Variants in AEBP1 observed in about 807,000 individuals in gnomAD.
AEBP1 encodes the protein AE binding protein 1.
A neutral mutation model predicts 116.5 loss-of-function variants in AEBP1; 69 were observed. That is an observed-to-expected ratio of 0.59 (90% CI 0.49 to 0.72). AEBP1 has a LOEUF of 0.72. Among genes scored for constraint, AEBP1 ranks in the 30% least tolerant of loss-of-function variants. The probability of loss-of-function intolerance (pLI) is 0.00; values close to 1 mark genes in which losing one functional copy is unlikely to be tolerated. For missense variants in AEBP1, 1,444 were observed against 1,557.5 expected (o/e 0.93, Z 1.23); for synonymous variants, 627 against 627.3 (o/e 1.00, Z 0.01).
chr7:44,105,734 C>T (rs543122597), intron 1 of AEBP1, among the ~76,000 whole-genome samples: 3 of 152,278 alleles, frequency 2.0e-5, no homozygotes, highest in East Asian at 1.9e-4. Context: ...AGCAGCCCTG[C>T]GTCCCCTGGC....
rs1023116714 is a variant in AEBP1 at position 44,112,437 on chromosome 7, G to A, written c.2217+116G>A. 11 of 1,399,840 alleles carry A rather than the reference G, an allele frequency of 7.9e-6. No homozygotes were observed. The highest frequency in any genetic ancestry group is 1.1e-5 in the Non-Finnish European group (11 of 1,039,736). The allele number at this position is 1,399,840 out of a possible 1,614,324, so 86.7% of individuals were successfully genotyped here. A position where few individuals can be genotyped will look rare whatever the true frequency, so the allele number is the denominator to read the frequency against. On this transcript the variant is annotated intron_variant, in intron 17 of 20. Coordinates refer to ENST00000223357, the MANE Select transcript of AEBP1 (RefSeq NM_001129.5). The surrounding 1 kb of genome is among the most constrained non-coding windows in gnomAD (Gnocchi z 6.6). ...CTGAACTCCAGACGCTGAGGCTCTG[G>A]GGGTTGGGGGACAGGGGATCGTGCG...
rs772653486 is a variant in AEBP1, at chr7:44,104,724, G to A, written c.59G>A (p.Cys20Tyr). ...LSCLLALLAL[C>Y]PGGRPQTVLT... Reference sequence around the variant, plus strand: ...TGCCTCCTGGCGTTGCTGGCCCTGTGCCCTGGAGGGCGCCCGCAGACGGTG... The same window carrying A: ...TGCCTCCTGGCGTTGCTGGCCCTGTACCCTGGAGGGCGCCCGCAGACGGTG... Residue 20 changes from cysteine to tyrosine, a missense_variant, in exon 1 of 21, where the codon TGC (cysteine) becomes TAC (tyrosine). Coordinates refer to ENST00000223357, the MANE Select transcript of AEBP1 (RefSeq NM_001129.5). The A allele has an allele frequency of 6.2e-7, 1 of 1,610,752 alleles. No homozygotes were observed. The highest frequency in any genetic ancestry group is 1.7e-5 in the Admixed American group (1 of 59,916).
chr7:44,110,608 C>T (rs2096228282), intron 11 of AEBP1, 117 bp from the exon 12 acceptor site: 2 of 1,056,722 alleles, frequency 1.9e-6, no homozygotes, highest in Admixed American at 2.3e-5. Context: ...AACACCTGGG[C>T]CGTGCAGCAC....
chr7:44,113,004 C>A lies in AEBP1; in HGVS notation c.2583C>A (p.Phe861Leu), dbSNP rs139591184. The A allele has an allele frequency of 6.2e-7, 1 of 1,614,076 alleles. No homozygotes were observed. The highest frequency in any genetic ancestry group is 8.5e-7 in the Non-Finnish European group (1 of 1,180,006). Residue 861 changes from phenylalanine to leucine, a missense_variant, in exon 19 of 21, where the codon TTC becomes TTA. By Grantham distance (22) the Phe-to-Leu change is conservative (BLOSUM62 0). Transcript: ENST00000223357. The surrounding 1 kb of genome is among the most constrained non-coding windows in gnomAD (Gnocchi z 5.3). ...WNPRTGTIND[F>L]SYLHTNCLEL... The stretch of plus-strand genomic sequence containing the variant: ...GTCCCCGGCCAGCTATCAATGACTT[C>A]AGTTACCTGCATACCAACTGCCTGG...
Position 44,114,309 on chromosome 7 carries a change from G to A in AEBP1, c.*48G>A, listed in dbSNP as rs2096234371. ...CAGCCCAACTCAAGCTACAGCAGCA[G>A]CACTTCCCAAGCCTGCTGACCACAG... On this transcript the variant is annotated 3_prime_UTR_variant, in exon 21 of 21. Transcript: ENST00000223357. The A allele has an allele frequency of 6.3e-7, 1 of 1,598,196 alleles. No individual in the cohort carries two copies. The highest frequency in any genetic ancestry group is 8.6e-7 in the Non-Finnish European group (1 of 1,168,298).
intron 9 of AEBP1, 134 bp downstream of exon 9, chr7:44,109,475 G>T: frequency 8.8e-7 from 1 of 1,141,830 alleles, no homozygotes; most frequent in Non-Finnish European, 1.2e-6. Context: ...GGACCCAGAA[G>T]GGAGGGGCCC....
chr7:44,104,689 C>T lies in AEBP1; in HGVS notation c.24C>T (p.Pro8=). 7 of 1,587,816 alleles carry T rather than the reference C, an allele frequency of 4.4e-6. No homozygotes were observed. Among genetic ancestry groups the T allele is most frequent in the Non-Finnish European group, 5.1e-6 (6 of 1,168,408 alleles). Residue 8 remains proline (P), a synonymous_variant, in exon 1 of 21, where the codon CCC becomes CCT. Transcript: ENST00000223357. ...CCATGGCGGCCGTGCGCGGGGCGCC[C>T]CTGCTCAGCTGCCTCCTGGCGTTGC... MAAVRGA[P]LLSCLLALLA...
rs1345990890 is a variant in AEBP1 at position 44,114,187 on chromosome 7, G to A, written c.3403G>A (p.Glu1135Lys). The A allele has an allele frequency of 1.2e-6, 2 of 1,613,976 alleles. No homozygotes were observed. The highest frequency in any genetic ancestry group is 1.7e-6 in the Non-Finnish European group (2 of 1,180,034). Residue 1135 changes from glutamate to lysine, a missense_variant, in exon 21 of 21, where the codon GAG becomes AAG. Coordinates refer to ENST00000223357, the MANE Select transcript of AEBP1 (RefSeq NM_001129.5). The stretch of plus-strand genomic sequence containing the variant: ...GGAAGAGGAGGAGGAGGAGAAAGAG[G>A]AGGAGATAGCCACTGGCCAGGCATT... ...FEEEEEEEKE[E>K]EIATGQAFPF...
Position 44,114,282 on chromosome 7 carries a change from C to G in AEBP1, c.*21C>G, listed in dbSNP as rs766386752. 1.9e-6 allele frequency: 3 copies of G among 1,610,976 alleles called. No individual in the cohort carries two copies. In the Admixed American group the frequency reaches 5.0e-5, roughly 27 times the overall value. ...TCTGAGATCAGCGTCCTACCAAGAC[C>G]CCAGCCCAACTCAAGCTACAGCAGC... On this transcript the variant is annotated 3_prime_UTR_variant, in exon 21 of 21. Transcript: ENST00000223357.
chr7:44,111,234 C>T lies in AEBP1; in HGVS notation c.1711C>T (p.Arg571Cys), dbSNP rs2096229057. ...DFRHHSYKDMRQLMKVVNEEC... is the reference protein window; with the variant it reads ...DFRHHSYKDMCQLMKVVNEEC... ...CCGGCACCACAGCTACAAGGACATGCGCCAGGTTGGGAGCATATATCCTGG... is the reference window on the plus strand; with the variant it reads ...CCGGCACCACAGCTACAAGGACATGTGCCAGGTTGGGAGCATATATCCTGG... The change falls in exon 14 of 21, where the codon CGC becomes TGC. Residue 571 changes from arginine (R) to cysteine (C), a missense_variant. Coordinates refer to ENST00000223357, the MANE Select transcript of AEBP1 (RefSeq NM_001129.5). This position sits in a 1 kb window ranked among gnomAD's most constrained non-coding sequence, Gnocchi z 4.7. The T allele has an allele frequency of 2.0e-6, 3 of 1,513,574 alleles. No homozygotes were observed. Among genetic ancestry groups the T allele is most frequent in the Non-Finnish European group, 2.7e-6 (3 of 1,130,524 alleles). The allele number at this position is 1,513,574 out of a possible 1,614,324, so 93.8% of individuals were successfully genotyped here.
At position 44,107,495 on chromosome 7, in the gene AEBP1, C is replaced by G; in HGVS notation, c.652C>G (p.Arg218Gly). 4.3e-6 allele frequency: 7 copies of G among 1,613,394 alleles called. No homozygotes were observed. The highest frequency in any genetic ancestry group is 5.9e-6 in the Non-Finnish European group (7 of 1,179,956). ...NPGEETHVEA[R>G]EHQPEPEEET... Reference sequence around the variant, plus strand: ...AGGAGAGGAGACCCATGTGGAGGCACGGGAGCACCAGCCTGGTGAGTGGCC... The same window carrying G: ...AGGAGAGGAGACCCATGTGGAGGCAGGGGAGCACCAGCCTGGTGAGTGGCC... The change falls in exon 3 of 21, where the codon CGG (arginine) becomes GGG (glycine). Residue 218 changes from arginine (R) to glycine (G), a missense_variant. Coordinates refer to ENST00000223357, the MANE Select transcript of AEBP1 (RefSeq NM_001129.5). This position sits in a 1 kb window ranked among gnomAD's most constrained non-coding sequence, Gnocchi z 4.3.
At position 44,104,591 on chromosome 7, in the gene AEBP1, C is replaced by T. The variant is rs1289284237; in HGVS notation, c.-75C>T. The T allele has an allele frequency of 6.6e-6, 7 of 1,063,082 alleles. No individual in the cohort carries two copies. In the South Asian group the frequency reaches 9.6e-5, roughly 15 times the overall value. The allele number at this position is 1,063,082 out of a possible 1,614,324, so 65.9% of individuals were successfully genotyped here. The stretch of plus-strand genomic sequence containing the variant: ...ATTCCCTCACCCGTCTCGATCCCCT[C>T]TCCGCCCTTTCCCAGAGACCCAGAG... On this transcript the variant is annotated 5_prime_UTR_variant, in exon 1 of 21. Transcript: ENST00000223357.
In AEBP1 at chr7:44,113,902, GCCA is replaced by G; in HGVS notation, c.3127_3129del (p.Thr1043del). On this transcript the variant is annotated inframe_deletion, in exon 21 of 21. Transcript: ENST00000223357. The surrounding 1 kb of genome is among the most constrained non-coding windows in gnomAD (Gnocchi z 5.3). Reference sequence around the variant, plus strand: ...ACAGATGCGGCTGCGGCGCCTCAACGCCACCACCACCCTAGGCCCCCACACTGT... The same window carrying G: ...ACAGATGCGGCTGCGGCGCCTCAACGCCACCACCCTAGGCCCCCACACTGT... 1 of 1,613,222 alleles carries G rather than the reference GCCA, an allele frequency of 6.2e-7. No homozygotes were observed. Among genetic ancestry groups the G allele is most frequent in the Non-Finnish European group, 8.5e-7 (1 of 1,179,976 alleles).
Position 44,114,349 on chromosome 7 carries a change from AGCACATGGAAG to A in AEBP1, c.*91_*101del. On this transcript the variant is annotated 3_prime_UTR_variant, in exon 21 of 21. Coordinates refer to ENST00000223357, the MANE Select transcript of AEBP1 (RefSeq NM_001129.5). Reference sequence around the variant, plus strand: ...GCTGACCACAGTCACATCACCCATCAGCACATGGAAGGCCCCTGGTATGGACACTGAAAGGA... The same window carrying A: ...GCTGACCACAGTCACATCACCCATCAGCCCCTGGTATGGACACTGAAAGGA... 1 of 1,417,528 alleles carries A rather than the reference AGCACATGGAAG, an allele frequency of 7.1e-7. No individual in the cohort carries two copies. The highest frequency in any genetic ancestry group is 9.8e-7 in the Non-Finnish European group (1 of 1,019,982). 87.8% of individuals were successfully genotyped at this position (1,417,528 alleles called of 1,614,324 possible). A position where few individuals can be genotyped will look rare whatever the true frequency, so the allele number is the denominator to read the frequency against.
Position 44,110,058 on chromosome 7 carries a change from C to A in AEBP1, c.1194C>A (p.Asn398Lys). The A allele has an allele frequency of 1.2e-6, 2 of 1,613,028 alleles. No homozygotes were observed. Among genetic ancestry groups the A allele is most frequent in the Non-Finnish European group, 1.7e-6 (2 of 1,179,990 alleles). The change falls in exon 10 of 21, where the codon AAC (asparagine) becomes AAA (lysine). Residue 398 changes from asparagine (N) to lysine (K), a missense_variant. Coordinates refer to ENST00000223357, the MANE Select transcript of AEBP1 (RefSeq NM_001129.5). Reference protein sequence around the residue: ...IGMESHRIEDNQIRASSMLRH... With the variant: ...IGMESHRIEDKQIRASSMLRH... ...TGGAGTCACACCGTATTGAGGACAACCAGATCCGAGCCTCCTCCATGCTGC... is the reference window on the plus strand; with the variant it reads ...TGGAGTCACACCGTATTGAGGACAAACAGATCCGAGCCTCCTCCATGCTGC...
Position 44,108,050 on chromosome 7 carries a change from T to C in AEBP1, c.906T>C (p.Tyr302=), listed in dbSNP as rs1420602662. 5.6e-6 allele frequency: 9 copies of C among 1,601,822 alleles called. No homozygotes were observed. Among genetic ancestry groups the C allele is most frequent in the East Asian group, 2.3e-5 (1 of 44,220 alleles). The change falls in exon 6 of 21, where the codon TAT becomes TAC. Residue 302 remains tyrosine, a synonymous_variant. Coordinates refer to ENST00000223357, the MANE Select transcript of AEBP1 (RefSeq NM_001129.5). The surrounding 1 kb of genome is among the most constrained non-coding windows in gnomAD (Gnocchi z 5.0). The part of the protein sequence containing the change: ...KPLLPPLPPD[Y]GDGYVIPNYD... ...TGCTGCCCCCGCTGCCCCCTGACTA[T>C]GGTGATGGTTACGTGATCCCCAACT...
chr7:44,105,802 T>C (rs964254783), intron 1 of AEBP1, among the ~76,000 whole-genome samples: 3 of 152,034 alleles, frequency 2.0e-5, no homozygotes. Context: ...GCTCCCCACC[T>C]CTCATCAGGT....
At chr7:44,110,384 G>C (rs1303100882) in intron 11 of AEBP1, 38 bp downstream of exon 11, 1 of 1,613,018 alleles carries the variant, frequency 6.2e-7, no homozygotes, top group Non-Finnish European at 8.5e-7. Flanking sequence ...GCAGAGGGGA[G>C]TGGCTACATA....
chr7:44,104,577 C>A lies in AEBP1; in HGVS notation c.-89C>A. On this transcript the variant is annotated 5_prime_UTR_variant, in exon 1 of 21. Coordinates refer to ENST00000223357, the MANE Select transcript of AEBP1 (RefSeq NM_001129.5). ...CCGCCCCTTCCTGGATTCCCTCACC[C>A]GTCTCGATCCCCTCTCCGCCCTTTC... The A allele has an allele frequency of 4.7e-6, 4 of 852,382 alleles. No homozygotes were observed. The highest frequency in any genetic ancestry group is 3.7e-5 in the Admixed American group (1 of 26,822). 52.8% of individuals were successfully genotyped at this position (852,382 alleles called of 1,614,324 possible).
Sources: gnomAD v4.1 joint callset for allele counts (sites outside exome capture counted in the v4.1 genomes callset) on GRCh38, gnomAD v4.1.1 for gene constraint, Gnocchi (gnomAD v3.1) non-coding constraint, MANE v1.5 for transcripts, NCBI Gene and HGNC (gene_info 2026-07-23, HGNC 2026-07-21) for gene names.